The following SLC44A5 variants were observed in gnomAD, a reference collection of about 807,000 sequenced individuals.
SLC44A5 encodes solute carrier family 44 member 5.
Under a neutral mutation model 101.8 loss-of-function variants are expected in SLC44A5, and 57 were observed. The observed-to-expected ratio is 0.56, with a 90% confidence interval of 0.45 to 0.70. The LOEUF (loss-of-function observed/expected upper bound fraction) is 0.70, where lower values mean the gene tolerates loss of function less well. Among genes scored for constraint, SLC44A5 ranks in the 30% least tolerant of loss-of-function variants. The pLI, the probability that SLC44A5 is intolerant of heterozygous loss-of-function variation, is 0.00. For synonymous variants in SLC44A5, 281 were observed against 290.9 expected, an observed-to-expected ratio of 0.97 and a Z score of 0.35; for missense variants, 737 against 853.1, an observed-to-expected ratio of 0.86 and a Z score of 1.70.
At chr1:75,557,993 T>C (rs1038263845) in intron 1 of SLC44A5, among the ~76,000 whole-genome samples, 15 of 152,164 alleles carry the variant, frequency 9.9e-5, no homozygotes, top group African/African-American at 3.4e-4. Flanking sequence ...TTATTGAGCA[T>C]ATACTATGAG....
intron 3 of SLC44A5, among the ~76,000 whole-genome samples, chr1:75,363,644 C>T (rs1659659409): frequency 6.6e-6 from 1 of 151,794 alleles, no homozygotes; most frequent in Admixed American, 6.6e-5. Context: ...TTTATTGTAC[C>T]TGTAGTTGTT....
At chr1:75,722,853 C>A in the SLC44A5 span, among the ~76,000 whole-genome samples, 5 of 152,206 alleles carry the variant, frequency 3.3e-5, no homozygotes, top group Non-Finnish European at 7.3e-5. Flanking sequence ...TGGCAGTTGG[C>A]CACACTAACA....
chr1:75,717,354 A>AT, the SLC44A5 span, among the ~76,000 whole-genome samples: 8 of 151,142 alleles, frequency 5.3e-5, no homozygotes, highest in Admixed American at 2.6e-4. Flanking sequence ...AAAAAAAAAA[A>AT]GGAAAAGAAA....
chr1:75,490,229 C>T lies in SLC44A5; in HGVS notation c.13+51206G>A, dbSNP rs191399254. 1.9e-3 allele frequency among the ~76,000 whole-genome samples: 293 copies of T among 152,002 alleles called. 1 individual carries two copies. Among genetic ancestry groups the T allele is most frequent in the Non-Finnish European group, 1.4e-3 (96 of 67,942 alleles). On this transcript the variant is annotated intron_variant, in intron 2 of 23. Coordinates refer to ENST00000370859, the MANE Select transcript of SLC44A5 (RefSeq NM_001130058.2). ...AATGAATAATGCATTGGATATCTAG[C>T]GATATGAAGAATCATTATCATTTAC...
chr1:75,295,361 C>G (rs1041782923), intron 5 of SLC44A5, among the ~76,000 whole-genome samples: 1 of 152,138 alleles, frequency 6.6e-6, no homozygotes, highest in Non-Finnish European at 1.5e-5. Flanking sequence ...TTTCTTCCTT[C>G]CTCATGTTTA....
At chr1:75,312,655 A>C in intron 4 of SLC44A5, among the ~76,000 whole-genome samples, 1 of 150,492 alleles carries the variant, frequency 6.6e-6, no homozygotes, top group East Asian at 1.9e-4. Context: ...TTTCTATTCT[A>C]TTATATATTA....
intron 2 of SLC44A5, among the ~76,000 whole-genome samples, chr1:75,507,244 G>C (rs1490886810): frequency 6.6e-6 from 1 of 152,162 alleles, no homozygotes; most frequent in African/African-American, 2.4e-5. Flanking sequence ...TTTGTTGAGA[G>C]TTTTTATCGT....
intron 10 of SLC44A5, among the ~76,000 whole-genome samples, 183 bp downstream of exon 10, chr1:75,238,330 G>A (rs887099775): frequency 9.8e-5 from 14 of 143,036 alleles, no homozygotes; most frequent in African/African-American, 3.6e-4. Flanking sequence ...TCCCTTACAT[G>A]TTCTTCTTAA....
chr1:75,656,967 G>A, the SLC44A5 span, among the ~76,000 whole-genome samples: 74,584 of 151,808 alleles, frequency 0.49, 19,557 homozygotes, highest in East Asian at 0.93. Flanking sequence ...TGGCCAACAT[G>A]GTGAAACCCC....
chr1:75,326,095 C>CGTGT (rs58294702), intron 4 of SLC44A5, among the ~76,000 whole-genome samples: 40 of 140,356 alleles, frequency 2.8e-4, no homozygotes, highest in South Asian at 7.0e-4. Flanking sequence ...TCTCTCTCTC[C>CGTGT]GTGTGTGTGT....
the SLC44A5 span, among the ~76,000 whole-genome samples, chr1:75,647,752 C>T: frequency 3.9e-5 from 6 of 152,154 alleles, no homozygotes; most frequent in Non-Finnish European, 8.8e-5. Flanking sequence ...GGCCTATAGC[C>T]CCTTTGCTTT....
chr1:75,300,491 A>G (rs1654366248), intron 5 of SLC44A5, 121 bp downstream of exon 5: 2 of 539,900 alleles, frequency 3.7e-6, no homozygotes, highest in Non-Finnish European at 6.1e-6. Context: ...TTCCTCCAGG[A>G]AAGACAACAG....
chr1:75,327,913 A>G (rs1056324998), intron 4 of SLC44A5, among the ~76,000 whole-genome samples: 3 of 152,130 alleles, frequency 2.0e-5, no homozygotes, highest in African/African-American at 4.8e-5. Context: ...TCTCTGCACT[A>G]CTATTTAGAT....
intron 3 of SLC44A5, among the ~76,000 whole-genome samples, chr1:75,347,840 T>C (rs1439438548): frequency 2.0e-5 from 3 of 152,148 alleles, no homozygotes. Flanking sequence ...CTGTGGACCA[T>C]ATGTGAGGCA....
At chr1:75,229,891 A>G (rs759423541) in intron 12 of SLC44A5, among the ~76,000 whole-genome samples, 13 of 152,174 alleles carry the variant, frequency 8.5e-5, no homozygotes, top group East Asian at 1.9e-4. Context: ...AGGGCTTCCT[A>G]TATCTATGGA....
intron 17 of SLC44A5, 58 bp from the exon 18 acceptor site, chr1:75,218,018 C>A: frequency 1.8e-6 from 2 of 1,131,254 alleles, no homozygotes; most frequent in South Asian, 2.6e-5. Flanking sequence ...TAAGGGGATG[C>A]TAATTGAATA....
intron 9 of SLC44A5, among the ~76,000 whole-genome samples, chr1:75,239,454 T>G (rs778419199): frequency 6.6e-6 from 1 of 152,036 alleles, no homozygotes; most frequent in Non-Finnish European, 1.5e-5. Flanking sequence ...ATATGTAGTT[T>G]AAACCTGAAG....
At chr1:75,608,878 C>T (rs1025094654) in intron 1 of SLC44A5, among the ~76,000 whole-genome samples, 4 of 151,864 alleles carry the variant, frequency 2.6e-5, no homozygotes, top group Admixed American at 1.3e-4. Context: ...ATCCAAATCC[C>T]CCTTACTATG....
At chr1:75,500,617 C>T (rs1407309098) in intron 2 of SLC44A5, among the ~76,000 whole-genome samples, 1 of 152,074 alleles carries the variant, frequency 6.6e-6, no homozygotes, top group Non-Finnish European at 1.5e-5. Context: ...ATATTAGAAC[C>T]ATTACACATT....
Sources: allele counts gnomAD v4.1 joint callset (sites outside exome capture counted in the v4.1 genomes callset), GRCh38; gene constraint gnomAD v4.1.1; transcripts MANE v1.5; gene names NCBI Gene and HGNC (gene_info 2026-07-23, HGNC 2026-07-21).